The following TECRL variants were observed in gnomAD, a reference collection of about 807,000 sequenced individuals.
The protein encoded by TECRL is trans-2,3-enoyl-CoA reductase-like.
TECRL carries 63 observed loss-of-function variants against 52.8 expected under a neutral mutation model. The observed-to-expected ratio is 1.19, with a 90% CI of 0.97 to 1.47. TECRL has a LOEUF of 1.47. Among genes scored for constraint, TECRL ranks in the 40% most tolerant of loss-of-function variants. The pLI is 0.00. For synonymous variants in TECRL, 164 were observed against 141.9 expected (o/e 1.16, Z -1.10); for missense variants, 482 against 429.6 (o/e 1.12, Z -1.08).
At chr4:64,378,422 C>T (rs1722548201) in intron 1 of TECRL, among the ~76,000 whole-genome samples, 2 of 151,906 alleles carry the variant, frequency 1.3e-5, no homozygotes, top group African/African-American at 4.8e-5. Flanking sequence ...AAAAAATTAG[C>T]AGGGCATGGA....
intron 2 of TECRL, among the ~76,000 whole-genome samples, chr4:64,371,946 T>C: frequency 6.6e-6 from 1 of 151,838 alleles, no homozygotes; most frequent in Non-Finnish European, 1.5e-5. Context: ...GGTATTACTC[T>C]GCTAGAATAA....
chr4:64,325,812 C>A (rs1718224393), intron 3 of TECRL, among the ~76,000 whole-genome samples: 2 of 152,048 alleles, frequency 1.3e-5, no homozygotes, highest in African/African-American at 4.8e-5. Flanking sequence ...AAGAACAGAT[C>A]ATTGGCATTC....
intron 1 of TECRL, among the ~76,000 whole-genome samples, chr4:64,382,716 T>G (rs1722901785): frequency 1.3e-5 from 2 of 152,112 alleles, no homozygotes; most frequent in African/African-American, 4.8e-5. Context: ...AGGTTGTTAT[T>G]TATAGGATAC....
Position 64,408,859 on chromosome 4 carries a change from C to T in TECRL, c.234+259G>A, listed in dbSNP as rs188395665. Among the ~76,000 whole-genome samples the T allele has an allele frequency of 1.5e-4, 23 of 152,154 alleles. 1 individual carries two copies. The East Asian group carries it at 2.3e-3, about 15-fold the overall frequency. ...ACCTGTGGACAATGGTCAATGACAG[C>T]ATAAAATTCACAGACCAATGACAGA... is the stretch of plus-strand genomic sequence containing the variant. On this transcript the variant is annotated intron_variant, in intron 1 of 11. Coordinates refer to ENST00000381210, the MANE Select transcript of TECRL (RefSeq NM_001010874.5).
At chr4:64,345,914 A>AAAAAAAAAAAAAAAAAAC (rs1719932513) in intron 2 of TECRL, among the ~76,000 whole-genome samples, 1 of 140,040 alleles carries the variant, frequency 7.1e-6, no homozygotes, top group Non-Finnish European at 1.5e-5. Flanking sequence ...CAGCAAAAAA[A>AAAAAAAAAAAAAAAAAAC]AAAAAAAAAA....
intron 5 of TECRL, among the ~76,000 whole-genome samples, chr4:64,313,734 G>C (rs1222588307): frequency 1.3e-5 from 2 of 150,346 alleles, no homozygotes; most frequent in Admixed American, 6.6e-5. Context: ...ACCCGCCTAG[G>C]CCTCCCAAAG....
chr4:64,349,017 A>G (rs1037637068), intron 2 of TECRL, among the ~76,000 whole-genome samples: 1 of 147,740 alleles, frequency 6.8e-6, no homozygotes. Context: ...TCAAAACTCC[A>G]TCTTGTGTTT....
At chr4:64,330,718 A>G (rs1183546493) in intron 2 of TECRL, among the ~76,000 whole-genome samples, 1 of 152,124 alleles carries the variant, frequency 6.6e-6, no homozygotes, top group Non-Finnish European at 1.5e-5. Flanking sequence ...AATTCATATT[A>G]GACTATAGCT....
chr4:64,401,258 C>A (rs1724341484), intron 1 of TECRL, among the ~76,000 whole-genome samples: 1 of 152,198 alleles, frequency 6.6e-6, no homozygotes, highest in Admixed American at 6.5e-5. Context: ...TCAGCCCCAG[C>A]TATACCATTT....
intron 2 of TECRL, among the ~76,000 whole-genome samples, chr4:64,333,193 A>G (rs967699004): frequency 6.6e-6 from 1 of 152,116 alleles, no homozygotes; most frequent in Non-Finnish European, 1.5e-5. Flanking sequence ...TAAAAAACAA[A>G]AAATGTCATA....
At position 64,278,678 on chromosome 4, in the gene TECRL, C is replaced by G. The variant is rs1366731626; in HGVS notation, c.*1394G>C. The G allele has an allele frequency of 2.0e-5, 3 of 151,992 alleles. No homozygotes were observed. The highest frequency in any genetic ancestry group is 4.4e-5 in the Non-Finnish European group (3 of 67,974). The allele number at this position is 151,992 out of a possible 1,614,324, so 9.4% of individuals were successfully genotyped here. ...TATAATGTTCTTAACTATAGTCGTC[C>G]TACAGTGGTATAGAACACCAGAAAT... On this transcript the variant is annotated 3_prime_UTR_variant, in exon 12 of 12. Coordinates refer to ENST00000381210, the MANE Select transcript of TECRL (RefSeq NM_001010874.5).
At chr4:64,307,216 C>T (rs1029912850) in intron 6 of TECRL, among the ~76,000 whole-genome samples, 3 of 152,114 alleles carry the variant, frequency 2.0e-5, no homozygotes, top group African/African-American at 4.8e-5. Flanking sequence ...AGGACACCCC[C>T]CCTTCATTAA....
intron 3 of TECRL, among the ~76,000 whole-genome samples, chr4:64,327,163 T>A (rs1718322849): frequency 6.6e-6 from 1 of 152,140 alleles, no homozygotes; most frequent in Admixed American, 6.6e-5. Flanking sequence ...CTTTGGATTT[T>A]GATTTCTTTG....
intron 1 of TECRL, chr4:64,397,933 T>A (rs1639982226): frequency 6.6e-6 from 1 of 151,694 alleles, no homozygotes; most frequent in African/African-American, 2.4e-5. Flanking sequence ...TCTGATAGTT[T>A]CAAGTGTGTC....
chr4:64,387,502 G>T (rs903611110), intron 1 of TECRL, among the ~76,000 whole-genome samples: 3 of 152,042 alleles, frequency 2.0e-5, no homozygotes, highest in Non-Finnish European at 4.4e-5. Context: ...CTTCCAAATG[G>T]CTTTACCATT....
chr4:64,338,003 G>A (rs930644209), intron 2 of TECRL, among the ~76,000 whole-genome samples: 1 of 152,096 alleles, frequency 6.6e-6, no homozygotes, highest in Admixed American at 6.5e-5. Context: ...AACAAAGCTG[G>A]AGGCATCATG....
chr4:64,337,064 G>T (rs189554585), intron 2 of TECRL, among the ~76,000 whole-genome samples: 65 of 152,212 alleles, frequency 4.3e-4, no homozygotes, highest in Admixed American at 2.4e-3. Flanking sequence ...GGATATCCTT[G>T]TTAATTTTCT....
At chr4:64,323,676 G>A (rs1239203658) in intron 3 of TECRL, among the ~76,000 whole-genome samples, 2 of 152,188 alleles carry the variant, frequency 1.3e-5, no homozygotes, top group East Asian at 1.9e-4. Context: ...GTACTGGTGA[G>A]AATGTTAAAA....
At position 64,360,036 on chromosome 4, in the gene TECRL, A is replaced by G. The variant is rs140647938; in HGVS notation, c.286+15136T>C. 2.4e-3 allele frequency among the ~76,000 whole-genome samples: 361 copies of G among 152,304 alleles called. 1 individual carries two copies. The highest frequency in any genetic ancestry group is 8.0e-3 in the African/African-American group (333 of 41,574). On this transcript the variant is annotated intron_variant, in intron 2 of 11. Transcript: ENST00000381210. ...AGAGACAAGAAAATTGTATTCTTCT[A>G]TATATCTTTAGCTGAACTTCAAAAC...
Sources: allele counts gnomAD v4.1 joint callset (sites outside exome capture counted in the v4.1 genomes callset), GRCh38; gene constraint gnomAD v4.1.1; transcripts MANE v1.5; gene names NCBI Gene and HGNC (gene_info 2026-07-23, HGNC 2026-07-21).